EYS: variants seen among roughly 807,000 people sequenced by gnomAD.
EYS encodes EGF-like photoreceptor maintenance factor, also known as protein eyes shut homolog.
In EYS, 250 loss-of-function variants were observed where a neutral mutation model predicts 282.1. The ratio of observed to expected loss-of-function variants is 0.89; its 90% CI spans 0.80 to 0.98. The LOEUF (loss-of-function observed/expected upper bound fraction) is 0.98. EYS is among the 50% of genes least tolerant of loss of function. The probability of loss-of-function intolerance (pLI) is 0.00; values close to 1 mark genes in which losing one functional copy is unlikely to be tolerated. For synonymous variants in EYS, 1,355 were observed against 1,282.9 expected, an observed-to-expected ratio of 1.06 and a Z score of -1.20; for missense variants, 4,016 against 3,709.0, an observed-to-expected ratio of 1.08 and a Z score of -2.15.
At chr6:64,292,992 T>C (rs1453402415) in intron 30 of EYS, among the ~76,000 whole-genome samples, 1 of 152,114 alleles carries the variant, frequency 6.6e-6, no homozygotes, top group Non-Finnish European at 1.5e-5. Flanking sequence ...TTTACAGTTC[T>C]ATATGATCGT....
chr6:65,374,495 C>G (rs973609945), intron 8 of EYS, among the ~76,000 whole-genome samples: 1 of 131,646 alleles, frequency 7.6e-6, no homozygotes, highest in Non-Finnish European at 1.7e-5. Flanking sequence ...ACTGAGCTAC[C>G]TGCGGAGTTT....
At chr6:64,001,177 A>G (rs941810581) in intron 33 of EYS, among the ~76,000 whole-genome samples, 3 of 152,246 alleles carry the variant, frequency 2.0e-5, no homozygotes, top group African/African-American at 7.2e-5. Context: ...AAGTGTGATT[A>G]TGTACAGAAG....
At chr6:64,462,754 A>C (rs1775789100) in intron 26 of EYS, among the ~76,000 whole-genome samples, 1 of 152,022 alleles carries the variant, frequency 6.6e-6, no homozygotes, top group Non-Finnish European at 1.5e-5. Context: ...TGCTAGCCTT[A>C]ACAAATATTT....
chr6:63,842,706 C>T (rs1214762745), intron 36 of EYS, among the ~76,000 whole-genome samples: 1 of 152,042 alleles, frequency 6.6e-6, no homozygotes, highest in Non-Finnish European at 1.5e-5. Flanking sequence ...GAATGGTATG[C>T]CTAGGTTTTC....
intron 31 of EYS, among the ~76,000 whole-genome samples, chr6:64,201,291 C>T (rs1345221150): frequency 2.6e-5 from 4 of 151,968 alleles, no homozygotes; most frequent in Non-Finnish European, 5.9e-5. Flanking sequence ...ATTATAGAGA[C>T]AGAAGGTCTA....
chr6:64,230,572 G>C lies in EYS; in HGVS notation c.6424+20C>G. On this transcript the variant is annotated intron_variant, in intron 31 of 42. Transcript: ENST00000503581. ...GAGGTTTTTAAAAAGAAATACAAAA[G>C]GGTAATGAAGATTGATTACCTTTTT... is the stretch of plus-strand genomic sequence containing the variant. 1 of 1,501,090 alleles carries C rather than the reference G, an allele frequency of 6.7e-7. No individual in the cohort carries two copies. Among genetic ancestry groups the C allele is most frequent in the Non-Finnish European group, 9.1e-7 (1 of 1,102,548 alleles). The allele number at this position is 1,501,090 out of a possible 1,614,324, so 93.0% of individuals were successfully genotyped here. A position where few individuals can be genotyped will look rare whatever the true frequency, so the allele number is the denominator to read the frequency against.
At chr6:65,545,451 T>A (rs1234299769) in intron 2 of EYS, among the ~76,000 whole-genome samples, 1 of 152,138 alleles carries the variant, frequency 6.6e-6, no homozygotes, top group East Asian at 1.9e-4. Flanking sequence ...ATGGCAATGA[T>A]CTCAAAATTG....
intron 32 of EYS, among the ~76,000 whole-genome samples, chr6:64,067,470 A>AT (rs1170406963): frequency 2.0e-5 from 3 of 152,144 alleles, no homozygotes; most frequent in African/African-American, 4.8e-5. Context: ...TCTTCCTATT[A>AT]GTGGAATCAT....
intron 12 of EYS, among the ~76,000 whole-genome samples, chr6:65,177,518 C>T (rs555091200): frequency 4.6e-5 from 7 of 151,830 alleles, no homozygotes; most frequent in Admixed American, 6.6e-5. Context: ...TTTAGCTATA[C>T]GATTATGCTA....
intron 8 of EYS, among the ~76,000 whole-genome samples, chr6:65,369,309 ATATATAT>A (rs199685152): frequency 0.16 from 14,391 of 91,958 alleles, 1,054 homozygotes; most frequent in Non-Finnish European, 0.27. Flanking sequence ...TATGTATAAT[ATATATAT>A]TATATATATA....
chr6:64,395,933 T>A (rs569411350), intron 28 of EYS, among the ~76,000 whole-genome samples: 2 of 152,060 alleles, frequency 1.3e-5, no homozygotes, highest in South Asian at 4.2e-4. Context: ...ATGGCATACA[T>A]AATAAAGAGG....
chr6:65,463,403 G>T (rs1014235816), intron 5 of EYS, among the ~76,000 whole-genome samples: 1 of 152,008 alleles, frequency 6.6e-6, no homozygotes, highest in Non-Finnish European at 1.5e-5. Flanking sequence ...TATAAAATTG[G>T]TAAACCTATT....
At chr6:63,812,604 C>T (rs1191726879) in intron 36 of EYS, among the ~76,000 whole-genome samples, 2 of 152,088 alleles carry the variant, frequency 1.3e-5, no homozygotes, top group Non-Finnish European at 2.9e-5. Flanking sequence ...GCATAAGATA[C>T]ATATTTATCA....
At chr6:65,648,603 T>C (rs910855231) in intron 1 of EYS, among the ~76,000 whole-genome samples, 1 of 152,014 alleles carries the variant, frequency 6.6e-6, no homozygotes, top group Non-Finnish European at 1.5e-5. Flanking sequence ...ATTGGGTACA[T>C]TGTACACTGC....
chr6:64,898,028 C>G (rs1767530178), intron 18 of EYS, among the ~76,000 whole-genome samples: 1 of 152,136 alleles, frequency 6.6e-6, no homozygotes, highest in Non-Finnish European at 1.5e-5. Context: ...TTGGAAAACA[C>G]ACTTCAGGAT....
intron 14 of EYS, among the ~76,000 whole-genome samples, chr6:64,978,365 T>C (rs1011796761): frequency 1.4e-4 from 22 of 151,962 alleles, no homozygotes; most frequent in African/African-American, 5.3e-4. Flanking sequence ...CATGGCTTAC[T>C]GAATACTTTA....
intron 26 of EYS, among the ~76,000 whole-genome samples, chr6:64,545,817 A>G (rs894117993): frequency 6.6e-6 from 1 of 152,188 alleles, no homozygotes; most frequent in Non-Finnish European, 1.5e-5. Context: ...CTTACAAGGG[A>G]CGTGAAGGAC....
intron 7 of EYS, among the ~76,000 whole-genome samples, chr6:65,402,034 A>G (rs1766526262): frequency 6.6e-6 from 1 of 151,944 alleles, no homozygotes; most frequent in Non-Finnish European, 1.5e-5. Context: ...GAATTCCTAA[A>G]AGTCTGCCTA....
intron 8 of EYS, among the ~76,000 whole-genome samples, chr6:65,355,861 G>A (rs1446388024): frequency 2.0e-5 from 3 of 152,030 alleles, no homozygotes; most frequent in Non-Finnish European, 2.9e-5. Context: ...GAAATGGAAT[G>A]CTTATGCCCT....
Sources: gnomAD v4.1 joint callset for allele counts (sites outside exome capture counted in the v4.1 genomes callset) on GRCh38, gnomAD v4.1.1 for gene constraint, MANE v1.5 for transcripts, NCBI Gene and HGNC (gene_info 2026-07-23, HGNC 2026-07-21) for gene names.